MTA3: variants seen among roughly 807,000 people sequenced by gnomAD.
MTA3 encodes metastasis-associated protein MTA3.
In MTA3, 34 loss-of-function variants were observed where a neutral mutation model predicts 83.5. The ratio of observed to expected loss-of-function variants is 0.41; its 90% CI spans 0.31 to 0.54. The LOEUF (loss-of-function observed/expected upper bound fraction) is 0.54, where lower values mean the gene tolerates loss of function less well. Ranked by LOEUF, MTA3 falls within the 20% of genes least tolerant of loss-of-function variation. The pLI is 0.33. For missense variants in MTA3, 761 were observed against 726.4 expected (o/e 1.05, Z -0.55); for synonymous variants, 303 against 252.7 (o/e 1.20, Z -1.89).
intron 14 of MTA3, among the ~76,000 whole-genome samples, chr2:42,714,213 G>A (rs1358609866): frequency 6.6e-6 from 1 of 152,022 alleles, no homozygotes; most frequent in Non-Finnish European, 1.5e-5. Flanking sequence ...GTTTTTGCCC[G>A]TGGCCTGTTT....
chr2:42,496,546 A>T (rs565499692), intron 2 of MTA3, among the ~76,000 whole-genome samples: 9 of 151,936 alleles, frequency 5.9e-5, no homozygotes, highest in African/African-American at 2.2e-4. Context: ...AATGCATTAC[A>T]ATTTAAAGGT....
chr2:42,644,076 T>A, intron 5 of MTA3, 51 bp from the exon 6 acceptor site: 2 of 1,109,482 alleles, frequency 1.8e-6, no homozygotes, highest in Non-Finnish European at 2.6e-6. Context: ...TAATGCTTTA[T>A]AAGAAGTAGA....
At chr2:42,621,585 C>T (rs546225581) in intron 4 of MTA3, among the ~76,000 whole-genome samples, 3 of 152,368 alleles carry the variant, frequency 2.0e-5, no homozygotes, top group African/African-American at 7.2e-5. Flanking sequence ...CACATTTCCC[C>T]CTTTTCTATT....
chr2:42,717,127 GTTTTTT>G (rs66521425), intron 14 of MTA3, among the ~76,000 whole-genome samples: 1 of 64,924 alleles, frequency 1.5e-5, no homozygotes, highest in African/African-American at 5.8e-5. Context: ...TCAGAAAAGA[GTTTTTT>G]TTTTTTTTTT....
intron 3 of MTA3, among the ~76,000 whole-genome samples, chr2:42,594,297 C>T (rs1189794679): frequency 2.1e-5 from 3 of 139,786 alleles, no homozygotes; most frequent in Admixed American, 1.6e-4. Context: ...AGTGCAGTGG[C>T]ATGATCTGAG....
chr2:42,702,657 A>C (rs1665691670), intron 11 of MTA3: 1 of 152,258 alleles, frequency 6.6e-6, no homozygotes, highest in Non-Finnish European at 1.5e-5. Flanking sequence ...GCAAATAAAC[A>C]CAAAAAGTAT....
chr2:42,742,057 G>A (rs1573825667), intron 16 of MTA3, among the ~76,000 whole-genome samples: 1 of 152,070 alleles, frequency 6.6e-6, no homozygotes, highest in African/African-American at 2.4e-5. Flanking sequence ...TAGGAAATGG[G>A]TATATGTTTG....
Position 42,512,038 on chromosome 2 carries a change from A to T in MTA3, c.-141+16784A>T, listed in dbSNP as rs926366572. On this transcript the variant is annotated intron_variant, in intron 2 of 17. Coordinates refer to the MTA3 transcript ENST00000405592. ...TCTCAAAAAAAATAAATAAATAAATAAAATAAAATAAAAAATAATTATAAT... is the reference window on the plus strand; with the variant it reads ...TCTCAAAAAAAATAAATAAATAAATTAAATAAAATAAAAAATAATTATAAT... 6.6e-5 allele frequency among the ~76,000 whole-genome samples: 10 copies of T among 151,534 alleles called. No homozygotes were observed. In the South Asian group the frequency reaches 1.0e-3, roughly 16 times the overall value.
intron 3 of MTA3, among the ~76,000 whole-genome samples, chr2:42,604,395 A>C (rs1682972787): frequency 6.6e-6 from 1 of 152,190 alleles, no homozygotes; most frequent in South Asian, 2.1e-4. Context: ...TAAATCTTGA[A>C]AGAAGAATTT....
chr2:42,644,916 C>T (rs1379610209), intron 6 of MTA3, among the ~76,000 whole-genome samples: 2 of 152,064 alleles, frequency 1.3e-5, no homozygotes, highest in Admixed American at 6.6e-5. Context: ...TGAGACACAA[C>T]AATATTGAAC....
chr2:42,647,148 C>T (rs1297488425), intron 6 of MTA3, among the ~76,000 whole-genome samples: 1 of 12,222 alleles, frequency 8.2e-5, no homozygotes, highest in Non-Finnish European at 1.4e-4. Flanking sequence ...CAGAGTGAGA[C>T]TCTGTCTAAA....
At chr2:42,571,038 AAAT>A (rs1400034934) in intron 2 of MTA3, among the ~76,000 whole-genome samples, 2 of 151,902 alleles carry the variant, frequency 1.3e-5, no homozygotes, top group African/African-American at 4.8e-5. Context: ...AAAAAAATAA[AAAT>A]AAGCTGGGTA....
At chr2:42,499,042 G>C (rs1674274609) in intron 2 of MTA3, among the ~76,000 whole-genome samples, 1 of 152,046 alleles carries the variant, frequency 6.6e-6, no homozygotes, top group Non-Finnish European at 1.5e-5. Context: ...AATACAGGGA[G>C]GTATAAGTCA....
At chr2:42,664,533 G>A (rs1461224471) in intron 8 of MTA3, among the ~76,000 whole-genome samples, 9 of 140,904 alleles carry the variant, frequency 6.4e-5, no homozygotes, top group African/African-American at 2.2e-4. Flanking sequence ...GAGTGCAGTG[G>A]CGTGATCTTG....
intron 4 of MTA3, among the ~76,000 whole-genome samples, chr2:42,622,122 A>G (rs1189805348): frequency 2.0e-5 from 3 of 152,190 alleles, no homozygotes; most frequent in South Asian, 2.1e-4. Context: ...AACATTGAGC[A>G]CTGAGTGAAC....
At chr2:42,745,023 A>G (rs1669311074) in intron 16 of MTA3, among the ~76,000 whole-genome samples, 1 of 152,140 alleles carries the variant, frequency 6.6e-6, no homozygotes, top group Non-Finnish European at 1.5e-5. Context: ...CTCACTGTTT[A>G]TTTCACTGTT....
intron 14 of MTA3, among the ~76,000 whole-genome samples, chr2:42,713,123 C>T (rs950805025): frequency 3.3e-5 from 5 of 152,110 alleles, no homozygotes; most frequent in Admixed American, 6.5e-5. Context: ...AAAGTAAATC[C>T]GGATGATTTG....
chr2:42,617,906 C>G (rs1379026668), intron 4 of MTA3, among the ~76,000 whole-genome samples: 3 of 151,554 alleles, frequency 2.0e-5, no homozygotes, highest in Non-Finnish European at 4.4e-5. Context: ...ATGAAGGGAG[C>G]ATTGATAGAA....
At chr2:42,727,696 A>T (rs186261842) in intron 16 of MTA3, among the ~76,000 whole-genome samples, 2 of 151,994 alleles carry the variant, frequency 1.3e-5, no homozygotes, top group South Asian at 4.2e-4. Flanking sequence ...GGTGAATCAC[A>T]TGGTTTTTTT....
Sources: allele counts gnomAD v4.1 joint callset (sites outside exome capture counted in the v4.1 genomes callset), GRCh38; gene constraint gnomAD v4.1.1; transcripts MANE v1.5; gene names NCBI Gene and HGNC (gene_info 2026-07-23, HGNC 2026-07-21).